LDHB: variants seen among roughly 807,000 people sequenced by gnomAD.
LDHB encodes the protein L-lactate dehydrogenase B chain.
In LDHB, 18 loss-of-function variants were observed where a neutral mutation model predicts 33.4. That is an observed-to-expected ratio of 0.54 (90% CI 0.37 to 0.80). The LOEUF (loss-of-function observed/expected upper bound fraction) is 0.80. Among genes scored for constraint, LDHB ranks in the 30% least tolerant of loss-of-function variants. LDHB has a pLI of 0.00. For synonymous variants in LDHB, 121 were observed against 140.6 expected (o/e 0.86, Z 0.98); for missense variants, 345 against 407.9 (o/e 0.85, Z 1.33).
At chr12:21,645,137 G>A (rs1300810725) in intron 3 of LDHB, among the ~76,000 whole-genome samples, 2 of 152,168 alleles carry the variant, frequency 1.3e-5, no homozygotes, top group African/African-American at 4.8e-5. Context: ...ATTAAGGGCT[G>A]TGCAGGATGT....
At chr12:21,636,426 A>G (rs1381248003) in intron 7 of LDHB, among the ~76,000 whole-genome samples, 2 of 151,902 alleles carry the variant, frequency 1.3e-5, no homozygotes. Flanking sequence ...ATTTAACTAT[A>G]TAACTAATTA....
intron 1 of LDHB, among the ~76,000 whole-genome samples, chr12:21,656,221 T>C (rs771910020): frequency 3.9e-5 from 6 of 152,242 alleles, no homozygotes; most frequent in Admixed American, 3.9e-4. Flanking sequence ...TTTTATCTTA[T>C]AGTTTTTTTT....
chr12:21,638,475 TTAAA>T lies in LDHB; in HGVS notation c.596-9_596-6del. 4 of 1,383,112 alleles carry T rather than the reference TTAAA, an allele frequency of 2.9e-6. No homozygotes were observed. The highest frequency in any genetic ancestry group is 3.9e-6 in the Non-Finnish European group (4 of 1,031,384). 85.7% of individuals were successfully genotyped at this position (1,383,112 alleles called of 1,614,324 possible). A position where few individuals can be genotyped will look rare whatever the true frequency, so the allele number is the denominator to read the frequency against. On this transcript the variant is annotated splice_region_variant and splice_polypyrimidine_tract_variant and intron_variant, in intron 5 of 7. Coordinates refer to ENST00000350669, the MANE Select transcript of LDHB (RefSeq NM_002300.8). ...TCACACCACTCCACACAGCCACTGT[TTAAA>T]AAAAAAAAAAAAGACATTGCAGTTA...
At chr12:21,636,997 A>G in intron 7 of LDHB, 74 bp downstream of exon 7, 3 of 1,209,638 alleles carry the variant, frequency 2.5e-6, no homozygotes, top group East Asian at 2.3e-5. Context: ...ATCTGGTCTG[A>G]GCCTCTTTAA....
chr12:21,656,828 A>C (rs925287229), intron 1 of LDHB, among the ~76,000 whole-genome samples: 1 of 152,226 alleles, frequency 6.6e-6, no homozygotes, highest in Non-Finnish European at 1.5e-5. Flanking sequence ...TTGGTCCCTT[A>C]TGTCTCCTCA....
At chr12:21,639,331 T>C (rs1331306230) in intron 5 of LDHB, among the ~76,000 whole-genome samples, 1 of 151,948 alleles carries the variant, frequency 6.6e-6, no homozygotes. Context: ...ATAACAGCCA[T>C]AATGTAATAG....
intron 2 of LDHB, among the ~76,000 whole-genome samples, chr12:21,649,148 A>C (rs1938609964): frequency 6.6e-6 from 1 of 152,176 alleles, no homozygotes; most frequent in South Asian, 2.1e-4. Flanking sequence ...TATCACTCTT[A>C]TTTTAGTAAC....
intron 2 of LDHB, among the ~76,000 whole-genome samples, chr12:21,647,620 TTC>T (rs1465227652): frequency 6.6e-6 from 1 of 152,206 alleles, no homozygotes; most frequent in African/African-American, 2.4e-5. Context: ...CCAATTGTCA[TTC>T]TCTGTCCCCC....
At chr12:21,654,035 C>T (rs1412548358) in intron 2 of LDHB, among the ~76,000 whole-genome samples, 1 of 152,056 alleles carries the variant, frequency 6.6e-6, no homozygotes, top group Non-Finnish European at 1.5e-5. Flanking sequence ...AGTTCCAATC[C>T]CACCCAAAAA....
At chr12:21,641,244 A>T (rs2136965059) in intron 5 of LDHB, among the ~76,000 whole-genome samples, 1 of 152,264 alleles carries the variant, frequency 6.6e-6, no homozygotes, top group Admixed American at 6.5e-5. Flanking sequence ...GAGTTATCAC[A>T]GTTAGTGTCA....
At position 21,643,737 on chromosome 12, in the gene LDHB, C is replaced by T. The variant is rs952754815; in HGVS notation, c.421+198G>A. 7.0e-6 allele frequency: 4 copies of T among 568,216 alleles called. No individual in the cohort carries two copies. The African/African-American group carries it at 7.5e-5, about 11-fold the overall frequency. The allele number at this position is 568,216 out of a possible 1,614,324, so 35.2% of individuals were successfully genotyped here. A position where few individuals can be genotyped will look rare whatever the true frequency, so the allele number is the denominator to read the frequency against. ...ACATGAAATTGCTTTAGCTAAAACTCTTGTCACATTTTTTGAACATCTGGC... is the reference window on the plus strand; with the variant it reads ...ACATGAAATTGCTTTAGCTAAAACTTTTGTCACATTTTTTGAACATCTGGC... On this transcript the variant is annotated intron_variant, in intron 4 of 7. Coordinates refer to ENST00000350669, the MANE Select transcript of LDHB (RefSeq NM_002300.8).
intron 3 of LDHB, among the ~76,000 whole-genome samples, chr12:21,644,437 A>C (rs1197256169): frequency 4.4e-4 from 63 of 142,886 alleles, no homozygotes; most frequent in African/African-American, 1.3e-3. Context: ...AAAAAAAAAA[A>C]AAAAAAAACA....
chr12:21,648,612 A>AG (rs1938596024), intron 2 of LDHB, among the ~76,000 whole-genome samples: 1 of 152,164 alleles, frequency 6.6e-6, no homozygotes, highest in Non-Finnish European at 1.5e-5. Context: ...AAGGTGGAGT[A>AG]GCCCAGGCAG....
chr12:21,649,161 C>A (rs1448119142), intron 2 of LDHB, among the ~76,000 whole-genome samples: 1 of 152,138 alleles, frequency 6.6e-6, no homozygotes. Context: ...TTAGTAACAT[C>A]ACATGTGTGC....
intron 2 of LDHB, 105 bp from the exon 3 acceptor site, chr12:21,647,121 C>T: frequency 7.0e-6 from 5 of 710,674 alleles, no homozygotes; most frequent in South Asian, 6.6e-5. Context: ...CACCAAAGAT[C>T]TAAACATCTT....
chr12:21,644,148 C>T, intron 3 of LDHB, 40 bp from the exon 4 acceptor site: 1 of 1,394,310 alleles, frequency 7.2e-7, no homozygotes, highest in South Asian at 1.2e-5. Context: ...TTAAATGCAA[C>T]TCTTCATTAT....
At chr12:21,654,766 G>C (rs950760747) in intron 1 of LDHB, 89 bp from the exon 2 acceptor site, 71 of 1,067,278 alleles carry the variant, frequency 6.7e-5, no homozygotes, top group Non-Finnish European at 9.3e-5. Flanking sequence ...TTGCAATTTC[G>C]AACTGAAGTA....
rs185287504 is a variant in LDHB, at chr12:21,656,603, C to T, written c.-7+1148G>A. 2.3e-3 allele frequency among the ~76,000 whole-genome samples: 357 copies of T among 152,268 alleles called. 3 individuals are homozygous for T. The highest frequency in any genetic ancestry group is 6.8e-3 in the Middle Eastern group (2 of 294). ...AATACAGATTCGTTGTTCTGATAGACCTTTTAATTTAGAAAACTTCAGGAA... is the reference window on the plus strand; with the variant it reads ...AATACAGATTCGTTGTTCTGATAGATCTTTTAATTTAGAAAACTTCAGGAA... On this transcript the variant is annotated intron_variant, in intron 1 of 7. Coordinates refer to ENST00000350669, the MANE Select transcript of LDHB (RefSeq NM_002300.8).
chr12:21,655,513 T>G (rs1357752848), intron 1 of LDHB, among the ~76,000 whole-genome samples: 1 of 152,260 alleles, frequency 6.6e-6, no homozygotes, highest in Non-Finnish European at 1.5e-5. Flanking sequence ...GGACATAGAA[T>G]GCATACTTAA....
Sources: gnomAD v4.1 joint callset for allele counts (sites outside exome capture counted in the v4.1 genomes callset) on GRCh38, gnomAD v4.1.1 for gene constraint, MANE v1.5 for transcripts, NCBI Gene and HGNC (gene_info 2026-07-23, HGNC 2026-07-21) for gene names.